Variants in SNX14 observed in about 807,000 individuals in gnomAD.
SNX14 encodes the protein sorting nexin-14.
In SNX14, 93 loss-of-function variants were observed where a neutral mutation model predicts 133.8. That is an observed-to-expected ratio of 0.70 (90% confidence interval 0.59 to 0.83). SNX14 has a LOEUF of 0.83. SNX14 is among the 40% of genes least tolerant of loss of function. The probability of loss-of-function intolerance (pLI) is 0.00; values close to 1 mark genes in which losing one functional copy is unlikely to be tolerated. For synonymous variants in SNX14, 368 were observed against 365.6 expected (o/e 1.01, Z -0.07); for missense variants, 945 against 1,094.9 (o/e 0.86, Z 1.93).
intron 6 of SNX14, among the ~76,000 whole-genome samples, chr6:85,562,628 C>G (rs1293799178): frequency 1.5e-5 from 2 of 137,566 alleles, no homozygotes; most frequent in African/African-American, 5.7e-5. Context: ...GCTCTGTTGC[C>G]CAAGCACTTG....
Position 85,507,959 on chromosome 6 carries a change from G to A in SNX14, c.2745+9C>T, listed in dbSNP as rs372330553. ...CCAGCATGAGTTTACGAGCTTTAAT[G>A]AGCTTTACCTGCTTGTTGAGTACTG... On this transcript the variant is annotated intron_variant, in intron 27 of 28. Transcript: ENST00000314673. The A allele has an allele frequency of 2.5e-6, 4 of 1,610,302 alleles. No individual in the cohort carries two copies. The highest frequency in any genetic ancestry group is 1.7e-5 in the Admixed American group (1 of 59,736).
At chr6:85,564,987 TA>T (rs766090823) in intron 6 of SNX14, among the ~76,000 whole-genome samples, 586 of 133,416 alleles carry the variant, frequency 4.4e-3, no homozygotes, top group Non-Finnish European at 4.3e-3. Flanking sequence ...AAACTCTGTC[TA>T]AAAAAAAAAA....
chr6:85,538,773 G>T, intron 16 of SNX14, 65 bp downstream of exon 16: 2 of 1,408,854 alleles, frequency 1.4e-6, no homozygotes, highest in Non-Finnish European at 2.0e-6. Context: ...ATTTGTATTA[G>T]GTTGTTCACA....
chr6:85,584,482 T>C (rs1462125845), intron 1 of SNX14, among the ~76,000 whole-genome samples: 2 of 151,932 alleles, frequency 1.3e-5, no homozygotes, highest in East Asian at 3.9e-4. Flanking sequence ...TGGGAGAAAA[T>C]TTCTGCAATC....
chr6:85,533,599 C>A lies in SNX14; in HGVS notation c.1810G>T (p.Val604Phe), dbSNP rs1244262026. ...IDVERNDRRA[V>F]GHEPEHWSVY... is the part of the protein sequence containing the mutation. ...GAAAGGTGCTCAGAAAGCTTCCTAC[C>A]TGCTCTTCTATCATTTCTTTCAACA... Residue 604 changes from valine to phenylalanine, a missense_variant and splice_region_variant, in exon 18 of 29, where the codon GTT (valine) becomes TTT (phenylalanine). Val to Phe is a conservative substitution (Grantham distance 50). Transcript: ENST00000314673. 6.2e-7 allele frequency: 1 copy of A among 1,612,008 alleles called. No homozygotes were observed. The highest frequency in any genetic ancestry group is 2.2e-5 in the East Asian group (1 of 44,862).
chr6:85,560,122 T>C (rs1027386786), intron 6 of SNX14, among the ~76,000 whole-genome samples: 1 of 152,170 alleles, frequency 6.6e-6, no homozygotes, highest in Non-Finnish European at 1.5e-5. Flanking sequence ...GATCCAGCAA[T>C]TGTACTCCTA....
chr6:85,556,962 A>G (rs896341166), intron 7 of SNX14, among the ~76,000 whole-genome samples: 1 of 152,324 alleles, frequency 6.6e-6, no homozygotes, highest in Non-Finnish European at 1.5e-5. Context: ...AATAATTGAT[A>G]CTATGTGGGG....
chr6:85,572,229 A>G lies in SNX14; in HGVS notation c.339-14T>C. 6.2e-7 allele frequency: 1 copy of G among 1,613,106 alleles called. No individual in the cohort carries two copies. The highest frequency in any genetic ancestry group is 8.5e-7 in the Non-Finnish European group (1 of 1,179,376). On this transcript the variant is annotated splice_polypyrimidine_tract_variant and intron_variant, in intron 3 of 28. Coordinates refer to ENST00000314673, the MANE Select transcript of SNX14 (RefSeq NM_153816.6). ...AGCAAAGAAGGCCTAAAGAAAAATT[A>G]TACAACTAAATCACTTGAAATCCAA...
chr6:85,592,894 G>A (rs932112867), intron 1 of SNX14, among the ~76,000 whole-genome samples: 2 of 151,842 alleles, frequency 1.3e-5, no homozygotes, highest in Non-Finnish European at 2.9e-5. Context: ...GGCGCCTGTA[G>A]CCCCAGCTAC....
intron 14 of SNX14, among the ~76,000 whole-genome samples, chr6:85,542,524 A>G (rs1452567518): frequency 6.6e-6 from 1 of 151,992 alleles, no homozygotes; most frequent in East Asian, 1.9e-4. Flanking sequence ...CCTCCCAAGT[A>G]GCTGGGACTA....
At chr6:85,536,715 A>T in intron 17 of SNX14, 77 bp downstream of exon 17, 1 of 1,416,526 alleles carries the variant, frequency 7.1e-7, no homozygotes. Context: ...AAAAAAGGAA[A>T]ATAATGAGTA....
intron 4 of SNX14, among the ~76,000 whole-genome samples, chr6:85,571,138 G>A (rs557173997): frequency 6.6e-6 from 1 of 152,140 alleles, no homozygotes; most frequent in East Asian, 1.9e-4. Flanking sequence ...GGATCACGAG[G>A]TCAGGAGATC....
intron 3 of SNX14, 34 bp downstream of exon 3, chr6:85,572,264 G>C: frequency 1.9e-6 from 3 of 1,610,006 alleles, no homozygotes; most frequent in Non-Finnish European, 2.5e-6. Flanking sequence ...AATGTAATTA[G>C]AAGGATCAAC....
chr6:85,513,351 T>C (rs1773613905), intron 26 of SNX14, among the ~76,000 whole-genome samples: 1 of 152,354 alleles, frequency 6.6e-6, no homozygotes. Flanking sequence ...TATATGCCTG[T>C]CTTCCTGCTA....
In SNX14 at chr6:85,516,701, G is replaced by C. The variant is rs545162523; in HGVS notation, c.2268+1055C>G. Among the ~76,000 whole-genome samples the C allele has an allele frequency of 2.1e-5, 3 of 145,098 alleles. No homozygotes were observed. In the East Asian group the frequency reaches 6.1e-4, roughly 29 times the overall value. On this transcript the variant is annotated intron_variant, in intron 23 of 28. Transcript: ENST00000314673. ...CCCCCAGGCTGAAGTGCAGTGGCGCGATCTCAGCTCACTGCAACCTCCACC... is the reference window on the plus strand; with the variant it reads ...CCCCCAGGCTGAAGTGCAGTGGCGCCATCTCAGCTCACTGCAACCTCCACC...
intron 7 of SNX14, among the ~76,000 whole-genome samples, chr6:85,553,518 C>T (rs1582877338): frequency 6.6e-6 from 1 of 152,104 alleles, no homozygotes; most frequent in East Asian, 1.9e-4. Context: ...GCGCCCGTGG[C>T]TCACGCCTGT....
rs764771525 is a variant in SNX14, at chr6:85,572,183, C to G, written c.371G>C (p.Trp124Ser). The G allele has an allele frequency of 1.9e-6, 3 of 1,613,798 alleles. No individual in the cohort carries two copies. The highest frequency in any genetic ancestry group is 2.5e-6 in the Non-Finnish European group (3 of 1,179,928). The change falls in exon 4 of 29, where the codon TGG becomes TCG. Residue 124 changes from tryptophan (W) to serine (S), a missense_variant. By Grantham distance (177) the Trp-to-Ser change is radical. Transcript: ENST00000314673. ...CTTGGAAGAAATTTTCAGGTCTAGC[C>G]ATGGCTGGTAGTTTTCAAGTAGCAA... The part of the protein sequence containing the change: ...PSLLLENYQP[W>S]LDLKISSKVD...
intron 7 of SNX14, among the ~76,000 whole-genome samples, chr6:85,553,500 C>A (rs1788530686): frequency 6.6e-6 from 1 of 152,020 alleles, no homozygotes; most frequent in Non-Finnish European, 1.5e-5. Flanking sequence ...GAATCTGTAT[C>A]AGGCCAGGCG....
chr6:85,558,095 T>C (rs180875701), intron 6 of SNX14, 35 bp from the exon 7 acceptor site: 3 of 1,084,418 alleles, frequency 2.8e-6, no homozygotes, highest in East Asian at 4.8e-5. Context: ...TTTAAAATAA[T>C]TATCACTAAG....
Sources: gnomAD v4.1 joint callset for allele counts (sites outside exome capture counted in the v4.1 genomes callset) on GRCh38, gnomAD v4.1.1 for gene constraint, MANE v1.5 for transcripts, NCBI Gene and HGNC (gene_info 2026-07-23, HGNC 2026-07-21) for gene names.